Variants in CTNNA2 observed in about 807,000 individuals in gnomAD.
The protein encoded by CTNNA2 is catenin alpha 2, also known as catenin alpha-2.
A neutral mutation model predicts 101.0 loss-of-function variants in CTNNA2; 42 were observed. That is an observed-to-expected ratio of 0.42 (90% CI 0.32 to 0.54). The LOEUF is 0.54. CTNNA2 is among the 20% of genes least tolerant of loss of function. The pLI, the probability that CTNNA2 is intolerant of heterozygous loss-of-function variation, is 0.14. For missense variants in CTNNA2, 871 were observed against 1,223.1 expected (o/e 0.71, Z 4.29); for synonymous variants, 450 against 456.4 (o/e 0.99, Z 0.18).
intron 7 of CTNNA2, among the ~76,000 whole-genome samples, chr2:80,357,240 G>GTTTTTTTTTTTGTTTGTTTGTTTTTGT (rs397742455): frequency 1.2e-4 from 16 of 137,028 alleles, no homozygotes; most frequent in Non-Finnish European, 2.5e-4. Context: ...TTTTTTTTTT[G>GTTTTTTTTTTTGTTTGTTTGTTTTTGT]TTTTTTTTTT....
rs553055525 is a variant in CTNNA2 at position 79,994,324 on chromosome 2, G to A, written c.1056+84527G>A. 3.9e-5 allele frequency among the ~76,000 whole-genome samples: 6 copies of A among 152,302 alleles called. No homozygotes were observed. The South Asian group carries it at 1.2e-3, about 32-fold the overall frequency. On this transcript the variant is annotated intron_variant, in intron 7 of 18. Coordinates refer to ENST00000402739, the MANE Select transcript of CTNNA2 (RefSeq NM_001282597.3). The stretch of plus-strand genomic sequence containing the variant: ...TCAATAAATGGCCTTAGTACTAAAT[G>A]TGGTAAACCACGAGTTGCGACATAG...
chr2:79,532,306 C>T (rs1573264873), intron 1 of CTNNA2, among the ~76,000 whole-genome samples: 1 of 152,048 alleles, frequency 6.6e-6, no homozygotes, highest in African/African-American at 2.4e-5. Flanking sequence ...TCATGGGATG[C>T]TTAAATAAGC....
At chr2:79,271,054 T>C (rs1461089779) in intron 2 of CTNNA2, among the ~76,000 whole-genome samples, 1 of 152,050 alleles carries the variant, frequency 6.6e-6, no homozygotes, top group Non-Finnish European at 1.5e-5. Flanking sequence ...AGCCATGGCA[T>C]GAGGCAGAAG....
At chr2:80,214,573 G>A (rs904656057) in intron 7 of CTNNA2, among the ~76,000 whole-genome samples, 17 of 152,238 alleles carry the variant, frequency 1.1e-4, no homozygotes, top group South Asian at 4.2e-4. Context: ...AGTTTCTGCC[G>A]AGAGATCAGC....
intron 5 of CTNNA2, among the ~76,000 whole-genome samples, chr2:79,872,692 C>G (rs540104256): frequency 1.3e-5 from 2 of 152,106 alleles, no homozygotes; most frequent in African/African-American, 2.4e-5. Flanking sequence ...TCTTAGATAT[C>G]AAATATAATG....
At chr2:80,590,014 C>A (rs952313110) in intron 15 of CTNNA2, among the ~76,000 whole-genome samples, 29 of 152,152 alleles carry the variant, frequency 1.9e-4, no homozygotes, top group African/African-American at 7.0e-4. Flanking sequence ...ATACAACAAT[C>A]TAAGATTCCA....
intron 9 of CTNNA2, among the ~76,000 whole-genome samples, chr2:80,534,307 G>A (rs994117531): frequency 6.6e-6 from 1 of 152,236 alleles, no homozygotes; most frequent in Non-Finnish European, 1.5e-5. Flanking sequence ...TGTTGTATAA[G>A]GTTCACTTGA....
At chr2:79,311,374 A>G (rs1006014816) in intron 2 of CTNNA2, among the ~76,000 whole-genome samples, 1 of 140,302 alleles carries the variant, frequency 7.1e-6, no homozygotes, top group Non-Finnish European at 1.5e-5. Context: ...GCACCACTGC[A>G]CTCCAGCCTG....
intron 1 of CTNNA2, among the ~76,000 whole-genome samples, chr2:79,559,272 A>T (rs1674626278): frequency 6.6e-6 from 1 of 151,890 alleles, no homozygotes; most frequent in Non-Finnish European, 1.5e-5. Context: ...ATTGAATTTG[A>T]AATCTGGCAG....
Position 79,909,964 on chromosome 2 carries a change from G to T in CTNNA2, c.1056+167G>T, listed in dbSNP as rs193296693. ...TGGGAGAGCGCGTGTCGTGTGTGTT[G>T]TTTCTGAATCCATTTTTTGTTTGTT... On this transcript the variant is annotated intron_variant, in intron 7 of 18. Transcript: ENST00000402739. Among the ~76,000 whole-genome samples the T allele has an allele frequency of 2.0e-4, 30 of 152,292 alleles. No individual in the cohort carries two copies. The East Asian group carries it at 5.4e-3, about 27-fold the overall frequency.
intron 3 of CTNNA2, among the ~76,000 whole-genome samples, chr2:79,790,402 T>C (rs1323599086): frequency 6.6e-6 from 1 of 152,086 alleles, no homozygotes; most frequent in African/African-American, 2.4e-5. Flanking sequence ...AAGAGAATAA[T>C]TGGTAACCTT....
intron 3 of CTNNA2, 51 bp downstream of exon 3, chr2:79,744,633 C>A: frequency 6.7e-7 from 1 of 1,486,648 alleles, no homozygotes; most frequent in Non-Finnish European, 9.1e-7. Context: ...GATGTGCAAA[C>A]AATGGCTTTT....
intron 7 of CTNNA2, among the ~76,000 whole-genome samples, chr2:79,953,547 C>T (rs994693998): frequency 6.6e-6 from 1 of 152,200 alleles, no homozygotes; most frequent in African/African-American, 2.4e-5. Flanking sequence ...GTCAAAATTT[C>T]ACCCTCGCTC....
chr2:79,809,149 A>G (rs968912087), intron 3 of CTNNA2, among the ~76,000 whole-genome samples: 4 of 152,176 alleles, frequency 2.6e-5, no homozygotes, highest in Non-Finnish European at 5.9e-5. Flanking sequence ...ATGGTATTCC[A>G]TGGTGGATAT....
chr2:80,424,521 T>A (rs1680823250), intron 9 of CTNNA2, among the ~76,000 whole-genome samples: 1 of 152,214 alleles, frequency 6.6e-6, no homozygotes, highest in Admixed American at 6.6e-5. Flanking sequence ...AGGGTCTGGA[T>A]AATGTGTTCT....
At chr2:79,523,683 C>T (rs1245885788) in intron 1 of CTNNA2, among the ~76,000 whole-genome samples, 1 of 152,138 alleles carries the variant, frequency 6.6e-6, no homozygotes, top group Non-Finnish European at 1.5e-5. Context: ...AATTGCTCTT[C>T]CAATTGTTAG....
chr2:80,221,022 C>T (rs150952624), intron 7 of CTNNA2, among the ~76,000 whole-genome samples: 56 of 152,230 alleles, frequency 3.7e-4, no homozygotes, highest in Non-Finnish European at 4.4e-5. Context: ...GCTAGGATTA[C>T]AGGCACCCGC....
Position 80,328,190 on chromosome 2 carries a change from A to C in CTNNA2, c.1057-65021A>C, listed in dbSNP as rs1479888186. The C allele has an allele frequency of 9.0e-6, 4 of 445,692 alleles. No individual in the cohort carries two copies. The Admixed American group carries it at 9.7e-5, about 11-fold the overall frequency. 27.6% of individuals were successfully genotyped at this position (445,692 alleles called of 1,614,324 possible). A position where few individuals can be genotyped will look rare whatever the true frequency, so the allele number is the denominator to read the frequency against. On this transcript the variant is annotated intron_variant, in intron 7 of 18. Transcript: ENST00000402739. ...CACATTCTAATCCCAGCAATCAGAG[A>C]GCAGATGGACTGCTTTTTTGGGTTT...
intron 2 of CTNNA2, among the ~76,000 whole-genome samples, chr2:79,730,188 T>G (rs1687112885): frequency 6.6e-6 from 1 of 152,220 alleles, no homozygotes; most frequent in African/African-American, 2.4e-5. Flanking sequence ...TGCTCAAAGC[T>G]TTGATTTTCT....
Sources: gnomAD v4.1 joint callset for allele counts (sites outside exome capture counted in the v4.1 genomes callset) on GRCh38, gnomAD v4.1.1 for gene constraint, MANE v1.5 for transcripts, NCBI Gene and HGNC (gene_info 2026-07-23, HGNC 2026-07-21) for gene names.